Variants in REC114 observed in about 807,000 individuals in gnomAD.
REC114 encodes REC114 meiotic recombination protein.
REC114 carries 27 observed loss-of-function variants against 31.3 expected under a neutral mutation model. The ratio of observed to expected loss-of-function variants is 0.86; its 90% confidence interval spans 0.64 to 1.19. REC114 has a LOEUF of 1.19. Ranked by LOEUF, REC114 falls within the 50% of genes most tolerant of loss-of-function variation. REC114 has a pLI of 0.00. For missense variants in REC114, 344 were observed against 326.9 expected, an observed-to-expected ratio of 1.05 and a Z score of -0.40; for synonymous variants, 134 against 127.7, an observed-to-expected ratio of 1.05 and a Z score of -0.33.
intron 3 of REC114, among the ~76,000 whole-genome samples, chr15:73,543,091 G>C (rs573400034): frequency 6.6e-6 from 1 of 152,008 alleles, no homozygotes; most frequent in South Asian, 2.1e-4. Flanking sequence ...TTTCTAATTT[G>C]ACAGGCAGAA....
In REC114 at chr15:73,559,744, C is replaced by T. The variant is rs1894549219; in HGVS notation, c.637-8C>T. ...TAATCTGTAACGACTTTTCTGGTAT[C>T]CCTGCAGACTCTTCTGGCATCGGAG... On this transcript the variant is annotated splice_polypyrimidine_tract_variant and splice_region_variant and intron_variant, in intron 5 of 5. Transcript: ENST00000331090. 2.6e-6 allele frequency: 4 copies of T among 1,539,256 alleles called. No homozygotes were observed. The highest frequency in any genetic ancestry group is 3.5e-6 in the Non-Finnish European group (4 of 1,151,098).
intron 3 of REC114, among the ~76,000 whole-genome samples, chr15:73,546,144 A>T (rs1016779482): frequency 2.0e-5 from 3 of 152,200 alleles, no homozygotes; most frequent in African/African-American, 7.2e-5. Context: ...TAAGCATAAG[A>T]AAGATAGTCA....
intron 2 of REC114, among the ~76,000 whole-genome samples, chr15:73,530,277 A>G (rs1894059363): frequency 2.0e-5 from 3 of 152,374 alleles, no homozygotes; most frequent in East Asian, 3.9e-4. Context: ...CAAACCAGCT[A>G]CAAATTATTT....
chr15:73,514,298 C>G (rs982501943), intron 2 of REC114, among the ~76,000 whole-genome samples: 4 of 151,694 alleles, frequency 2.6e-5, no homozygotes, highest in African/African-American at 9.7e-5. Flanking sequence ...CGCCCTGCTT[C>G]GGCTCGCGCA....
intron 2 of REC114, among the ~76,000 whole-genome samples, chr15:73,496,619 C>A (rs185876428): frequency 6.7e-6 from 1 of 149,466 alleles, no homozygotes; most frequent in East Asian, 2.0e-4. Flanking sequence ...CGCAACTGCA[C>A]TCCAGGCTGG....
intron 2 of REC114, among the ~76,000 whole-genome samples, chr15:73,505,172 G>A (rs896927591): frequency 1.3e-5 from 2 of 152,076 alleles, no homozygotes; most frequent in African/African-American, 4.8e-5. Context: ...AATGTAGTCA[G>A]TGCCCTGTAA....
intron 2 of REC114, among the ~76,000 whole-genome samples, chr15:73,490,997 C>T (rs1024187811): frequency 2.7e-4 from 41 of 151,962 alleles, no homozygotes; most frequent in African/African-American, 9.9e-4. Flanking sequence ...GAGCCTTATC[C>T]GCATCATGCT....
At chr15:73,505,626 G>C (rs961776868) in intron 2 of REC114, among the ~76,000 whole-genome samples, 1 of 152,048 alleles carries the variant, frequency 6.6e-6, no homozygotes, top group Non-Finnish European at 1.5e-5. Context: ...CTGCCTCCTG[G>C]GTTCACGCCA....
chr15:73,443,371 T>G (rs1892724158), intron 1 of REC114, 27 bp downstream of exon 1: 4 of 1,548,566 alleles, frequency 2.6e-6, no homozygotes, highest in African/African-American at 1.4e-5. Flanking sequence ...GGAATATCCC[T>G]GAGGTGCCCA....
At chr15:73,473,370 C>T (rs1893161150) in intron 1 of REC114, among the ~76,000 whole-genome samples, 1 of 150,910 alleles carries the variant, frequency 6.6e-6, no homozygotes, top group Non-Finnish European at 1.5e-5. Flanking sequence ...GCCTGGGCAA[C>T]AAGAGTGAAA....
In REC114 at chr15:73,443,206, G is replaced by T. The variant is rs769623663; in HGVS notation, c.21G>T (p.Val7=). 4 of 1,572,982 alleles carry T rather than the reference G, an allele frequency of 2.5e-6. No individual in the cohort carries two copies. In the African/African-American group the frequency reaches 4.0e-5, roughly 16 times the overall value. MAEAGK[V]PLSLGLTGGE... ...AGGACATGGCGGAGGCAGGAAAAGT[G>T]CCCTTGAGCCTCGGGCTTACCGGAG... Residue 7 remains valine, a synonymous_variant, in exon 1 of 6, where the codon GTG becomes GTT. Transcript: ENST00000331090.
At chr15:73,456,149 G>A (rs899946593) in intron 1 of REC114, among the ~76,000 whole-genome samples, 15 of 152,134 alleles carry the variant, frequency 9.9e-5, no homozygotes, top group African/African-American at 3.6e-4. Flanking sequence ...CAGCCTTTCT[G>A]AAAAGATATA....
chr15:73,501,088 A>G (rs1234952562), intron 2 of REC114, among the ~76,000 whole-genome samples: 3 of 152,200 alleles, frequency 2.0e-5, no homozygotes, highest in Non-Finnish European at 4.4e-5. Flanking sequence ...AATTTAAGGC[A>G]TATCCATTAA....
At chr15:73,449,057 C>G (rs1186154834) in intron 1 of REC114, among the ~76,000 whole-genome samples, 1 of 152,094 alleles carries the variant, frequency 6.6e-6, no homozygotes, top group African/African-American at 2.4e-5. Context: ...TGCAAAAAGG[C>G]TGAAAATTCC....
intron 2 of REC114, among the ~76,000 whole-genome samples, chr15:73,474,991 G>T (rs971145359): frequency 1.3e-5 from 2 of 152,150 alleles, no homozygotes; most frequent in Non-Finnish European, 2.9e-5. Flanking sequence ...TACTGTCAGG[G>T]TCTGCATCAG....
intron 3 of REC114, among the ~76,000 whole-genome samples, chr15:73,548,249 C>G (rs947173242): frequency 1.3e-5 from 2 of 152,186 alleles, no homozygotes; most frequent in African/African-American, 4.8e-5. Context: ...GCTGGGACTA[C>G]AGGCATGCGC....
At chr15:73,530,699 C>G (rs370665644) in intron 2 of REC114, among the ~76,000 whole-genome samples, 12 of 152,132 alleles carry the variant, frequency 7.9e-5, no homozygotes, top group East Asian at 5.8e-4. Context: ...CTTTGTTTTC[C>G]CTCTTCACAT....
At chr15:73,532,139 C>T (rs1474572615) in intron 2 of REC114, among the ~76,000 whole-genome samples, 1 of 151,456 alleles carries the variant, frequency 6.6e-6, no homozygotes, top group African/African-American at 2.4e-5. Context: ...CCCCCCTCGC[C>T]CCACCCCACA....
intron 2 of REC114, among the ~76,000 whole-genome samples, chr15:73,540,081 T>G (rs1894217880): frequency 6.6e-6 from 1 of 152,208 alleles, no homozygotes; most frequent in South Asian, 2.1e-4. Context: ...AAGAGAATTC[T>G]TACTATGGAG....
Sources: allele counts gnomAD v4.1 joint callset (sites outside exome capture counted in the v4.1 genomes callset), GRCh38; gene constraint gnomAD v4.1.1; transcripts MANE v1.5; gene names NCBI Gene and HGNC (gene_info 2026-07-23, HGNC 2026-07-21).